NEDD9: variants seen among roughly 807,000 people sequenced by gnomAD.
NEDD9 encodes the protein neural precursor cell expressed, developmentally down-regulated 9.
NEDD9 carries 26 observed loss-of-function variants against 76.6 expected under a neutral mutation model. The ratio of observed to expected loss-of-function variants is 0.34; its 90% CI spans 0.25 to 0.47. The LOEUF (loss-of-function observed/expected upper bound fraction) is 0.47. Ranked by LOEUF, NEDD9 falls within the 20% of genes least tolerant of loss-of-function variation. The probability of loss-of-function intolerance (pLI) is 1.00; values close to 1 mark genes in which losing one functional copy is unlikely to be tolerated. For missense variants in NEDD9, 937 were observed against 1,058.5 expected, an observed-to-expected ratio of 0.89 and a Z score of 1.59; for synonymous variants, 392 against 414.2, an observed-to-expected ratio of 0.95 and a Z score of 0.65.
intron 1 of NEDD9, among the ~76,000 whole-genome samples, chr6:11,229,920 G>A (rs1759421463): frequency 1.3e-5 from 2 of 152,180 alleles, no homozygotes; most frequent in South Asian, 4.1e-4. Context: ...TTGTTGTTCC[G>A]TAGTTGTGAT....
intron 2 of NEDD9, among the ~76,000 whole-genome samples, chr6:11,196,132 A>G (rs2113728305): frequency 6.6e-6 from 1 of 151,662 alleles, no homozygotes; most frequent in South Asian, 2.1e-4. Flanking sequence ...GTGAAACCCC[A>G]TCTCTACTAA....
At chr6:11,342,759 C>G (rs1344184982) in intron 1 of NEDD9, among the ~76,000 whole-genome samples, 2 of 151,984 alleles carry the variant, frequency 1.3e-5, no homozygotes, top group Non-Finnish European at 2.9e-5. Context: ...ACTGAGTAAA[C>G]AAATTATAAA....
At chr6:11,264,305 G>A (rs752916798) in intron 3 of NEDD9, among the ~76,000 whole-genome samples, 1 of 152,176 alleles carries the variant, frequency 6.6e-6, no homozygotes, top group Non-Finnish European at 1.5e-5. Flanking sequence ...GAGTGAGATG[G>A]CGCCCCCAGA....
intron 1 of NEDD9, among the ~76,000 whole-genome samples, chr6:11,380,266 G>C (rs1336874372): frequency 6.6e-6 from 1 of 152,234 alleles, no homozygotes; most frequent in Non-Finnish European, 1.5e-5. Context: ...CCCAGAAGTA[G>C]ACCCCAATGC....
chr6:11,267,687 G>A (rs1047090932), intron 3 of NEDD9, among the ~76,000 whole-genome samples: 2 of 152,104 alleles, frequency 1.3e-5, no homozygotes, highest in African/African-American at 4.8e-5. Flanking sequence ...AAAAAAATTA[G>A]GAAGCTATTG....
chr6:11,287,033 T>C (rs1760664078), intron 3 of NEDD9, among the ~76,000 whole-genome samples: 1 of 152,208 alleles, frequency 6.6e-6, no homozygotes, highest in African/African-American at 2.4e-5. Context: ...GCTCACACAA[T>C]TTTTTAAAAA....
At chr6:11,191,250 C>G (rs781470266) in intron 4 of NEDD9, 45 bp from the exon 5 acceptor site, 7 of 1,527,326 alleles carry the variant, frequency 4.6e-6, no homozygotes, top group Non-Finnish European at 6.1e-6. Context: ...TGAGTTGGCT[C>G]ATGGGAACCT....
intron 3 of NEDD9, among the ~76,000 whole-genome samples, chr6:11,305,682 G>A (rs1331708480): frequency 1.3e-5 from 2 of 152,200 alleles, no homozygotes; most frequent in African/African-American, 4.8e-5. Flanking sequence ...ATAGTTCAGT[G>A]AGTGTAACTT....
At chr6:11,321,991 T>C (rs1366220719) in intron 2 of NEDD9, among the ~76,000 whole-genome samples, 2 of 152,154 alleles carry the variant, frequency 1.3e-5, no homozygotes, top group Non-Finnish European at 2.9e-5. Context: ...GAATACTATG[T>C]AGCCGTAAAA....
chr6:11,261,157 T>C (rs1760103239), intron 3 of NEDD9, among the ~76,000 whole-genome samples: 1 of 152,160 alleles, frequency 6.6e-6, no homozygotes, highest in Non-Finnish European at 1.5e-5. Flanking sequence ...AGAGCCGTGA[T>C]GATTGGTAAT....
At chr6:11,233,620 G>A (rs1378649165), upstream of NEDD9, among the ~76,000 whole-genome samples, 2 of 152,116 alleles carry the variant, frequency 1.3e-5, no homozygotes, top group Admixed American at 1.3e-4. Flanking sequence ...TGATGAGCCT[G>A]GTTAAAAAGA....
At chr6:11,207,041 T>C (rs1379201349) in intron 2 of NEDD9, among the ~76,000 whole-genome samples, 3 of 152,240 alleles carry the variant, frequency 2.0e-5, no homozygotes, top group Admixed American at 2.0e-4. Flanking sequence ...TGTACTTTAT[T>C]GATTTATAAA....
chr6:11,344,786 T>G (rs1762334741), intron 1 of NEDD9, among the ~76,000 whole-genome samples: 1 of 152,214 alleles, frequency 6.6e-6, no homozygotes, highest in Non-Finnish European at 1.5e-5. Context: ...CTCATTTGCT[T>G]TTATTACTAA....
At chr6:11,234,291 GT>G (rs1404968939), upstream of NEDD9, among the ~76,000 whole-genome samples, 1 of 152,190 alleles carries the variant, frequency 6.6e-6, no homozygotes, top group Non-Finnish European at 1.5e-5. Context: ...GCAGGAAATT[GT>G]TTTTGGTGTC....
chr6:11,326,069 C>T (rs1435231871), intron 2 of NEDD9, among the ~76,000 whole-genome samples: 1 of 151,646 alleles, frequency 6.6e-6, no homozygotes, highest in Non-Finnish European at 1.5e-5. Context: ...TCTCTTGAAC[C>T]CTGGAGGCGG....
chr6:11,264,557 G>C (rs1388908340), intron 3 of NEDD9, among the ~76,000 whole-genome samples: 2 of 152,144 alleles, frequency 1.3e-5, no homozygotes, highest in African/African-American at 2.4e-5. Flanking sequence ...CAAATAAAAA[G>C]TGTGTCTTGA....
At chr6:11,344,510 G>A (rs1762330161) in intron 1 of NEDD9, among the ~76,000 whole-genome samples, 1 of 152,192 alleles carries the variant, frequency 6.6e-6, no homozygotes, top group Non-Finnish European at 1.5e-5. Context: ...TTTCAGGTAA[G>A]CAGTTGATAA....
intron 1 of NEDD9, among the ~76,000 whole-genome samples, chr6:11,343,874 G>A (rs996200331): frequency 1.3e-5 from 2 of 152,134 alleles, no homozygotes; most frequent in South Asian, 2.1e-4. Context: ...CTAAATACAC[G>A]GGCCAGCAGT....
chr6:11,370,030 C>T lies in NEDD9; in HGVS notation c.-214+12109G>A, dbSNP rs988067104. On this transcript the variant is annotated intron_variant, in intron 1 of 3. Transcript: ENST00000397378. This position sits in a 1 kb window ranked among gnomAD's most constrained non-coding sequence, Gnocchi z 4.2. ...ATTACTCAGCAGATAGAAAGTATGA[C>T]ATAGAAGAGGCTAACACTTCTCTAA... 6.6e-6 allele frequency among the ~76,000 whole-genome samples: 1 copy of T among 152,198 alleles called. No homozygotes were observed. The highest frequency in any genetic ancestry group is 1.5e-5 in the Non-Finnish European group (1 of 68,034).
Sources: gnomAD v4.1 joint callset for allele counts (sites outside exome capture counted in the v4.1 genomes callset) on GRCh38, gnomAD v4.1.1 for gene constraint, Gnocchi (gnomAD v3.1) non-coding constraint, MANE v1.5 for transcripts, NCBI Gene and HGNC (gene_info 2026-07-23, HGNC 2026-07-21) for gene names.